TAFA2: variants seen among roughly 807,000 people sequenced by gnomAD.
TAFA2 encodes chemokine-like protein TAFA-2.
A neutral mutation model predicts 18.8 loss-of-function variants in TAFA2; 7 were observed. The observed-to-expected ratio is 0.37, with a 90% CI of 0.21 to 0.70. The LOEUF (loss-of-function observed/expected upper bound fraction) is 0.70. Among genes scored for constraint, TAFA2 ranks in the 30% least tolerant of loss-of-function variants. The pLI is 0.53. For missense variants in TAFA2, 122 were observed against 158.1 expected (o/e 0.77, Z 1.23); for synonymous variants, 60 against 54.2 (o/e 1.11, Z -0.47).
At chr12:61,936,454 G>A (rs1877772011) in intron 1 of TAFA2, among the ~76,000 whole-genome samples, 1 of 152,070 alleles carries the variant, frequency 6.6e-6, no homozygotes, top group Admixed American at 6.5e-5. Context: ...TGTAGTCCCA[G>A]CTACACAGGA....
intron 1 of TAFA2, among the ~76,000 whole-genome samples, chr12:61,961,402 T>G (rs182629761): frequency 6.6e-6 from 1 of 152,166 alleles, no homozygotes; most frequent in Admixed American, 6.6e-5. Flanking sequence ...TAAAGTTCCA[T>G]AGCTGTGGTC....
intron 4 of TAFA2, among the ~76,000 whole-genome samples, chr12:61,746,337 G>A (rs949810742): frequency 6.6e-6 from 1 of 152,118 alleles, no homozygotes; most frequent in African/African-American, 2.4e-5. Flanking sequence ...ATGTGGAACT[G>A]TGAGTCAATT....
intron 4 of TAFA2, among the ~76,000 whole-genome samples, chr12:61,748,639 T>A (rs966543664): frequency 1.3e-5 from 2 of 152,040 alleles, no homozygotes; most frequent in Non-Finnish European, 2.9e-5. Flanking sequence ...TGGTATGAAA[T>A]CCAAATGGAA....
At chr12:61,866,347 G>A (rs145918988) in intron 2 of TAFA2, among the ~76,000 whole-genome samples, 4 of 152,138 alleles carry the variant, frequency 2.6e-5, no homozygotes, top group African/African-American at 9.6e-5. Flanking sequence ...CTAATTAAAC[G>A]GACATGTGTA....
chr12:61,728,631 G>T (rs1410351538), intron 4 of TAFA2, among the ~76,000 whole-genome samples: 1 of 142,348 alleles, frequency 7.0e-6, no homozygotes, highest in African/African-American at 2.5e-5. Flanking sequence ...TATGTGTTAG[G>T]TGAGTCTCTT....
At chr12:61,941,672 G>C (rs955795971) in intron 1 of TAFA2, among the ~76,000 whole-genome samples, 1 of 152,196 alleles carries the variant, frequency 6.6e-6, no homozygotes, top group Non-Finnish European at 1.5e-5. Context: ...TTCCCTTTCC[G>C]AGTCAAAGAA....
chr12:61,913,034 C>T (rs1238479897), intron 1 of TAFA2, among the ~76,000 whole-genome samples: 3 of 152,090 alleles, frequency 2.0e-5, no homozygotes, highest in Non-Finnish European at 4.4e-5. Flanking sequence ...AGATGATTTA[C>T]CTATTTATCT....
At chr12:61,897,229 G>A (rs1453298147) in intron 1 of TAFA2, among the ~76,000 whole-genome samples, 1 of 152,130 alleles carries the variant, frequency 6.6e-6, no homozygotes, top group Non-Finnish European at 1.5e-5. Context: ...AAATGATGCT[G>A]ACTGTACATC....
chr12:61,738,011 T>C (rs1025273999), intron 4 of TAFA2, among the ~76,000 whole-genome samples: 4 of 152,006 alleles, frequency 2.6e-5, no homozygotes, highest in African/African-American at 9.7e-5. Context: ...TAAAATGTAC[T>C]GAGGTCCAAA....
intron 1 of TAFA2, among the ~76,000 whole-genome samples, chr12:61,934,304 G>T (rs1487807419): frequency 6.6e-6 from 1 of 152,128 alleles, no homozygotes; most frequent in East Asian, 1.9e-4. Context: ...CCCCTAGTCT[G>T]CCCACAAAGT....
chr12:62,049,936 G>A (rs879354964), intron 1 of TAFA2, among the ~76,000 whole-genome samples: 3 of 152,112 alleles, frequency 2.0e-5, no homozygotes, highest in African/African-American at 4.8e-5. Flanking sequence ...AAGTGGCTTC[G>A]AAAAATTTGC....
chr12:62,187,769 A>G (rs1269219747), intron 1 of TAFA2, among the ~76,000 whole-genome samples: 9 of 152,160 alleles, frequency 5.9e-5, no homozygotes, highest in Non-Finnish European at 2.9e-5. Context: ...ACTAACTTCT[A>G]TGTCTCTGTT....
At chr12:61,861,692 A>C (rs1318442985) in intron 2 of TAFA2, among the ~76,000 whole-genome samples, 1 of 152,226 alleles carries the variant, frequency 6.6e-6, no homozygotes. Flanking sequence ...TCTGTCCAGA[A>C]AAATTTATGG....
chr12:62,239,401 T>C (rs940207769), intron 1 of TAFA2, among the ~76,000 whole-genome samples: 1 of 152,198 alleles, frequency 6.6e-6, no homozygotes, highest in Non-Finnish European at 1.5e-5. Flanking sequence ...GCACTGATCC[T>C]CATCTTTAGA....
intron 1 of TAFA2, among the ~76,000 whole-genome samples, chr12:61,869,650 T>C (rs925906490): frequency 6.6e-6 from 1 of 152,206 alleles, no homozygotes; most frequent in African/African-American, 2.4e-5. Context: ...CAGAGCACAC[T>C]AGTGTCCTCA....
At chr12:62,011,085 G>A (rs978410519) in intron 1 of TAFA2, among the ~76,000 whole-genome samples, 1 of 150,608 alleles carries the variant, frequency 6.6e-6, no homozygotes, top group African/African-American at 2.4e-5. Flanking sequence ...GGGAGGTGGG[G>A]AGCGCCTCTG....
chr12:62,222,522 T>G (rs949483111), intron 1 of TAFA2, among the ~76,000 whole-genome samples: 2 of 152,034 alleles, frequency 1.3e-5, no homozygotes, highest in African/African-American at 4.8e-5. Flanking sequence ...ATTATTATTA[T>G]TTTGAGACGG....
intron 2 of TAFA2, chr12:61,827,045 A>C (rs1375054318): frequency 6.6e-6 from 1 of 151,962 alleles, no homozygotes; most frequent in Admixed American, 6.6e-5. Context: ...CTTACAATAC[A>C]CCAAGCCCAT....
intron 1 of TAFA2, chr12:61,880,801 T>G: frequency 3.2e-6 from 1 of 309,746 alleles, no homozygotes; most frequent in Non-Finnish European, 6.3e-6. Context: ...CCCACCCTAC[T>G]CCCCCCTGCA....
Sources: allele counts gnomAD v4.1 joint callset (sites outside exome capture counted in the v4.1 genomes callset), GRCh38; gene constraint gnomAD v4.1.1; transcripts MANE v1.5; gene names NCBI Gene and HGNC (gene_info 2026-07-23, HGNC 2026-07-21).